The following NARS2 variants were observed in gnomAD, a reference collection of about 807,000 sequenced individuals.
The protein encoded by NARS2 is asparaginyl-tRNA synthetase.
Under a neutral mutation model 62.9 loss-of-function variants are expected in NARS2, and 60 were observed. The observed-to-expected ratio is 0.95, with a 90% CI of 0.77 to 1.18. The LOEUF (loss-of-function observed/expected upper bound fraction) is 1.18. Ranked by LOEUF, NARS2 falls within the 50% of genes most tolerant of loss-of-function variation. NARS2 has a pLI of 0.00. For missense variants in NARS2, 619 were observed against 576.4 expected (o/e 1.07, Z -0.76); for synonymous variants, 196 against 200.0 (o/e 0.98, Z 0.17).
At chr11:78,517,098 T>C (rs745538294) in intron 6 of NARS2, among the ~76,000 whole-genome samples, 2 of 152,060 alleles carry the variant, frequency 1.3e-5, no homozygotes, top group Non-Finnish European at 2.9e-5. Flanking sequence ...GGAATACAAA[T>C]GGGATGATGT....
chr11:78,516,675 CAG>C (rs1427268441), intron 6 of NARS2, among the ~76,000 whole-genome samples: 2 of 152,112 alleles, frequency 1.3e-5, no homozygotes, highest in African/African-American at 4.8e-5. Context: ...ATGATAGTAA[CAG>C]AAGCTAAGAC....
chr11:78,459,570 G>T (rs1301483785), intron 11 of NARS2, among the ~76,000 whole-genome samples: 4 of 151,994 alleles, frequency 2.6e-5, no homozygotes, highest in African/African-American at 9.7e-5. Context: ...GCGCCCAGCC[G>T]ATCTGATGGT....
chr11:78,509,838 A>AAAAG (rs1555027145), intron 6 of NARS2, among the ~76,000 whole-genome samples: 1 of 151,020 alleles, frequency 6.6e-6, no homozygotes, highest in African/African-American at 2.4e-5. Context: ...AAAAAAAAAA[A>AAAAG]AAAAGAAAAG....
rs1404940121 is a variant in NARS2, at chr11:78,528,842, C to T, written c.689G>A (p.Gly230Glu). 1.2e-6 allele frequency: 2 copies of T among 1,600,104 alleles called. No homozygotes were observed. The highest frequency in any genetic ancestry group is 4.5e-5 in the East Asian group (2 of 44,608). Reference protein sequence around the residue: ...SGQLHLEVMSGAFTQVFTFGP... With the variant: ...SGQLHLEVMSEAFTQVFTFGP... Reference sequence around the variant, plus strand: ...CAAAAGAGAAAGGAAAATTTCATACCCTGACATCACTTCTAGATGAAGTTG... The same window carrying T: ...CAAAAGAGAAAGGAAAATTTCATACTCTGACATCACTTCTAGATGAAGTTG... Residue 230 changes from glycine (G) to glutamate (E), a missense_variant and splice_region_variant, in exon 6 of 14, where the codon GGA (glycine) becomes GAA (glutamate). By Grantham distance (98) the Gly-to-Glu change is moderately conservative. Transcript: ENST00000281038.
intron 1 of NARS2, 44 bp from the exon 2 acceptor site, chr11:78,571,488 C>T (rs1396431188): frequency 5.8e-6 from 8 of 1,390,366 alleles, no homozygotes; most frequent in Middle Eastern, 1.8e-4. Flanking sequence ...AAACATTTTA[C>T]GTTTTCATTA....
rs184706908 is a variant in NARS2, at chr11:78,542,662, G to A, written c.595-13726C>T. ...AAATACTTATAAATCCCAGCACTTC[G>A]GTGGGGTGGAGGCAGGAGGATTGCT... is the stretch of plus-strand genomic sequence containing the variant. On this transcript the variant is annotated intron_variant, in intron 5 of 13. Coordinates refer to ENST00000281038, the MANE Select transcript of NARS2 (RefSeq NM_024678.6). 5.2e-3 allele frequency among the ~76,000 whole-genome samples: 793 copies of A among 152,262 alleles called. 4 individuals carry two copies. The highest frequency in any genetic ancestry group is 0.019 in the African/African-American group (769 of 41,544).
intron 6 of NARS2, among the ~76,000 whole-genome samples, chr11:78,527,830 C>A (rs1261483003): frequency 6.6e-6 from 1 of 152,166 alleles, no homozygotes; most frequent in Non-Finnish European, 1.5e-5. Flanking sequence ...CCCCCAGAGG[C>A]CAGGCTCAGT....
At chr11:78,461,704 T>A (rs1042548166) in intron 11 of NARS2, among the ~76,000 whole-genome samples, 8 of 149,368 alleles carry the variant, frequency 5.4e-5, no homozygotes, top group South Asian at 4.2e-4. Flanking sequence ...CCAAACACTT[T>A]AGGAGGCTGA....
intron 9 of NARS2, among the ~76,000 whole-genome samples, chr11:78,475,414 T>G (rs947494515): frequency 6.6e-5 from 10 of 152,128 alleles, no homozygotes; most frequent in Non-Finnish European, 1.0e-4. Flanking sequence ...GTTCTGCATA[T>G]GTACCCAGAG....
At chr11:78,537,621 G>C (rs1218724341) in intron 5 of NARS2, among the ~76,000 whole-genome samples, 3 of 152,298 alleles carry the variant, frequency 2.0e-5, no homozygotes, top group African/African-American at 7.2e-5. Context: ...AACATAGTGA[G>C]AGGTCCATGT....
intron 7 of NARS2, among the ~76,000 whole-genome samples, chr11:78,483,440 A>T (rs1171685508): frequency 6.6e-6 from 1 of 152,222 alleles, no homozygotes; most frequent in Non-Finnish European, 1.5e-5. Flanking sequence ...GAAGAGAGGA[A>T]GTCAAATTGT....
chr11:78,502,662 T>C (rs934205222), intron 6 of NARS2, among the ~76,000 whole-genome samples: 2 of 152,170 alleles, frequency 1.3e-5, no homozygotes, highest in African/African-American at 4.8e-5. Flanking sequence ...TGGTAAATTT[T>C]ATCTTATGTG....
chr11:78,440,657 C>T (rs1034318283), intron 13 of NARS2, among the ~76,000 whole-genome samples: 12 of 151,986 alleles, frequency 7.9e-5, no homozygotes, highest in Non-Finnish European at 1.3e-4. Context: ...CTCAGCCTCC[C>T]AAGTAGGTGG....
At chr11:78,446,076 T>C (rs1185418702) in intron 11 of NARS2, among the ~76,000 whole-genome samples, 2 of 152,222 alleles carry the variant, frequency 1.3e-5, no homozygotes, top group Non-Finnish European at 1.5e-5. Flanking sequence ...AGATTTCATG[T>C]AACAAATGAA....
intron 6 of NARS2, among the ~76,000 whole-genome samples, chr11:78,505,061 A>T (rs1472181882): frequency 3.0e-5 from 4 of 135,408 alleles, no homozygotes; most frequent in African/African-American, 1.2e-4. Context: ...ATTTTGACTT[A>T]AAAAAAAAAA....
intron 5 of NARS2, among the ~76,000 whole-genome samples, chr11:78,552,370 T>A (rs1856159860): frequency 6.6e-6 from 1 of 152,204 alleles, no homozygotes. Flanking sequence ...ATGTGTACCA[T>A]ATTTTCTTTA....
At chr11:78,475,692 G>C (rs181542806) in intron 9 of NARS2, among the ~76,000 whole-genome samples, 78 of 149,092 alleles carry the variant, frequency 5.2e-4, no homozygotes, top group African/African-American at 1.7e-3. Flanking sequence ...AACCTCCTGG[G>C]CTTAGGCAAT....
chr11:78,560,680 T>C (rs1288304543), intron 4 of NARS2, among the ~76,000 whole-genome samples: 2 of 152,212 alleles, frequency 1.3e-5, no homozygotes, highest in Non-Finnish European at 2.9e-5. Context: ...ATACAAAGTA[T>C]TCAGTCAACA....
intron 5 of NARS2, among the ~76,000 whole-genome samples, chr11:78,532,133 T>C (rs915193218): frequency 6.6e-6 from 1 of 152,322 alleles, no homozygotes; most frequent in South Asian, 2.1e-4. Flanking sequence ...CTTAAATTTG[T>C]AATCTTACGT....
Sources: gnomAD v4.1 joint callset for allele counts (sites outside exome capture counted in the v4.1 genomes callset) on GRCh38, gnomAD v4.1.1 for gene constraint, MANE v1.5 for transcripts, NCBI Gene and HGNC (gene_info 2026-07-23, HGNC 2026-07-21) for gene names.